The following FGF7 variants were observed in gnomAD, a reference collection of about 807,000 sequenced individuals.
The protein encoded by FGF7 is FGF-7.
FGF7 carries 6 observed loss-of-function variants against 20.5 expected under a neutral mutation model. The ratio of observed to expected loss-of-function variants is 0.29; its 90% CI spans 0.16 to 0.58. The LOEUF (loss-of-function observed/expected upper bound fraction) is 0.58. Among genes scored for constraint, FGF7 ranks in the 20% least tolerant of loss-of-function variants. The pLI is 0.90. For synonymous variants in FGF7, 64 were observed against 74.7 expected (o/e 0.86, Z 0.74); for missense variants, 144 against 228.8 (o/e 0.63, Z 2.39).
intron 2 of FGF7, among the ~76,000 whole-genome samples, chr15:49,458,776 A>T (rs2053540973): frequency 1.3e-5 from 2 of 152,140 alleles, no homozygotes; most frequent in Non-Finnish European, 2.9e-5. Flanking sequence ...GTCTTTTAGA[A>T]ATTTATTCTA....
In FGF7 at chr15:49,486,415, G is replaced by A. The variant is rs2056407634; in HGVS notation, c.*1911G>A. The A allele has an allele frequency of 6.6e-6, 1 of 151,968 alleles. No homozygotes were observed. Among genetic ancestry groups the A allele is most frequent in the African/African-American group, 2.4e-5 (1 of 41,414 alleles). 9.4% of individuals were successfully genotyped at this position (151,968 alleles called of 1,614,324 possible). A position where few individuals can be genotyped will look rare whatever the true frequency, so the allele number is the denominator to read the frequency against. On this transcript the variant is annotated 3_prime_UTR_variant, in exon 4 of 4. Transcript: ENST00000267843. ...GTCAGGCTTCAGTAACTGTAGTCTT[G>A]TGAGCATATTGAGGGCAGAGGAGGA... is the stretch of plus-strand genomic sequence containing the variant.
intron 2 of FGF7, 95 bp downstream of exon 2, chr15:49,424,678 G>A: frequency 1.0e-6 from 1 of 995,178 alleles, no homozygotes; most frequent in Non-Finnish European, 1.4e-6. Flanking sequence ...TTGCTTCTTG[G>A]AAAAAAAATT....
intron 2 of FGF7, among the ~76,000 whole-genome samples, chr15:49,447,492 AAG>A (rs1280549379): frequency 2.6e-5 from 4 of 151,696 alleles, no homozygotes; most frequent in Non-Finnish European, 4.4e-5. Flanking sequence ...ATGCTAGAAT[AAG>A]AGATTCTCAA....
At chr15:49,427,121 T>C (rs1468789295) in intron 2 of FGF7, among the ~76,000 whole-genome samples, 1 of 152,014 alleles carries the variant, frequency 6.6e-6, no homozygotes, top group African/African-American at 2.4e-5. Context: ...ATTTGAAGGG[T>C]AGCCTTACTA....
chr15:49,426,713 T>TAA (rs1259522031), intron 2 of FGF7, among the ~76,000 whole-genome samples: 1 of 151,580 alleles, frequency 6.6e-6, no homozygotes, highest in African/African-American at 2.4e-5. Context: ...ACCAATTCTA[T>TAA]AGCACAAAAG....
intron 2 of FGF7, among the ~76,000 whole-genome samples, chr15:49,439,174 G>C (rs1462220475): frequency 1.3e-5 from 2 of 151,492 alleles, no homozygotes; most frequent in Non-Finnish European, 1.5e-5. Context: ...TCAGGCTGTT[G>C]GCCGGCAACT....
intron 1 of FGF7, 27 bp from the exon 2 acceptor site, chr15:49,424,005 C>G: frequency 6.8e-6 from 2 of 294,592 alleles, no homozygotes; most frequent in Non-Finnish European, 1.3e-5. Context: ...CCTCCCCTCC[C>G]TATTCTTAAT....
intron 2 of FGF7, among the ~76,000 whole-genome samples, chr15:49,468,195 T>C (rs2054433258): frequency 1.3e-5 from 2 of 152,152 alleles, no homozygotes; most frequent in African/African-American, 4.8e-5. Context: ...TTTGACATCA[T>C]TATAAAATAT....
At position 49,424,569 on chromosome 15, in the gene FGF7, T is replaced by C. The variant is rs2049964361; in HGVS notation, c.272T>C (p.Met91Thr). The C allele has an allele frequency of 3.2e-6, 5 of 1,582,682 alleles. No homozygotes were observed. The highest frequency in any genetic ancestry group is 4.3e-6 in the Non-Finnish European group (5 of 1,162,614). Residue 91 changes from methionine (M) to threonine (T), a missense_variant, in exon 2 of 4, where the codon ATG becomes ACG. Coordinates refer to ENST00000267843, the MANE Select transcript of FGF7 (RefSeq NM_002009.4). ...GGCAAAGTAAAAGGGACCCAAGAGATGAAGAATAATTACAGTAAGTAATTT... is the reference window on the plus strand; with the variant it reads ...GGCAAAGTAAAAGGGACCCAAGAGACGAAGAATAATTACAGTAAGTAATTT... ...KRGKVKGTQE[M>T]KNNYNIMEIR...
intron 2 of FGF7, among the ~76,000 whole-genome samples, chr15:49,466,805 A>AT (rs1349963232): frequency 6.6e-6 from 1 of 152,104 alleles, no homozygotes; most frequent in African/African-American, 2.4e-5. Context: ...AAATTTTTTA[A>AT]TTATCTTTTT....
intron 2 of FGF7, among the ~76,000 whole-genome samples, chr15:49,477,698 GCAT>G (rs757982058): frequency 3.4e-4 from 52 of 152,282 alleles, no homozygotes; most frequent in South Asian, 8.3e-4. Context: ...AAACCTGGGG[GCAT>G]GACTGCTGGA....
At chr15:49,478,220 G>A (rs1489592379) in intron 2 of FGF7, among the ~76,000 whole-genome samples, 1 of 152,142 alleles carries the variant, frequency 6.6e-6, no homozygotes, top group Non-Finnish European at 1.5e-5. Flanking sequence ...GCCTCCGGCT[G>A]CATCCATGTT....
intron 2 of FGF7, among the ~76,000 whole-genome samples, chr15:49,442,651 A>C (rs2051777978): frequency 6.6e-6 from 1 of 151,686 alleles, no homozygotes; most frequent in Non-Finnish European, 1.5e-5. Context: ...ACATGAATGC[A>C]GTGTCTTTTA....
intron 2 of FGF7, among the ~76,000 whole-genome samples, chr15:49,464,198 T>A (rs2054063735): frequency 6.6e-6 from 1 of 151,964 alleles, no homozygotes; most frequent in Non-Finnish European, 1.5e-5. Context: ...CTCCACAGAG[T>A]ATGTGTAGAT....
At chr15:49,476,766 A>T (rs2055360062) in intron 2 of FGF7, among the ~76,000 whole-genome samples, 1 of 152,198 alleles carries the variant, frequency 6.6e-6, no homozygotes, top group African/African-American at 2.4e-5. Context: ...TACAAAAAAA[A>T]TTGAGCAGAT....
At chr15:49,452,038 A>G (rs1019111788) in intron 2 of FGF7, among the ~76,000 whole-genome samples, 3 of 151,920 alleles carry the variant, frequency 2.0e-5, no homozygotes, top group Non-Finnish European at 2.9e-5. Context: ...TTGATTCAAT[A>G]CCAACCAGAT....
intron 2 of FGF7, among the ~76,000 whole-genome samples, chr15:49,473,257 TG>T (rs2054943559): frequency 1.2e-5 from 1 of 86,320 alleles, no homozygotes; most frequent in African/African-American, 3.0e-5. Context: ...AATGAAGTCA[TG>T]ATGATGTTCA....
intron 2 of FGF7, among the ~76,000 whole-genome samples, chr15:49,451,808 C>G (rs2052771485): frequency 6.6e-6 from 1 of 152,046 alleles, no homozygotes; most frequent in South Asian, 2.1e-4. Flanking sequence ...ATATAGCAAT[C>G]AAGAGCGGTC....
At chr15:49,447,700 T>C (rs1416922773) in intron 2 of FGF7, among the ~76,000 whole-genome samples, 1 of 151,728 alleles carries the variant, frequency 6.6e-6, no homozygotes, top group Non-Finnish European at 1.5e-5. Context: ...ATGCAATCAA[T>C]TCATGGATAA....
Sources: gnomAD v4.1 joint callset for allele counts (sites outside exome capture counted in the v4.1 genomes callset) on GRCh38, gnomAD v4.1.1 for gene constraint, MANE v1.5 for transcripts, NCBI Gene and HGNC (gene_info 2026-07-23, HGNC 2026-07-21) for gene names.